The following PPTC7 variants were observed in gnomAD, a reference collection of about 807,000 sequenced individuals.
The protein encoded by PPTC7 is protein phosphatase PTC7 homolog.
Under a neutral mutation model 30.8 loss-of-function variants are expected in PPTC7, and 6 were observed. The ratio of observed to expected loss-of-function variants is 0.19; its 90% CI spans 0.11 to 0.38. The LOEUF is 0.38. Ranked by LOEUF, PPTC7 falls within the 10% of genes least tolerant of loss-of-function variation. The pLI, the probability that PPTC7 is intolerant of heterozygous loss-of-function variation, is 1.00. For synonymous variants in PPTC7, 163 were observed against 168.1 expected, an observed-to-expected ratio of 0.97 and a Z score of 0.23; for missense variants, 218 against 404.8, an observed-to-expected ratio of 0.54 and a Z score of 3.96.
chr12:110,543,407 C>T (rs189878581), intron 3 of PPTC7, among the ~76,000 whole-genome samples: 5 of 150,166 alleles, frequency 3.3e-5, no homozygotes, highest in African/African-American at 1.2e-4. Flanking sequence ...ATAAGAGGGA[C>T]CATTAACTAA....
intron 1 of PPTC7, among the ~76,000 whole-genome samples, chr12:110,573,121 C>A (rs2064553838): frequency 1.3e-5 from 2 of 152,160 alleles, no homozygotes; most frequent in Admixed American, 1.3e-4. Context: ...CTCAAGTGAT[C>A]CACCTACTTT....
intron 1 of PPTC7, among the ~76,000 whole-genome samples, chr12:110,580,019 C>A (rs886963776): frequency 6.6e-6 from 1 of 151,284 alleles, no homozygotes; most frequent in Non-Finnish European, 1.5e-5. Flanking sequence ...ATACCCGCAC[C>A]CCCCACCCAC....
At chr12:110,545,752 CT>C (rs2064301185) in intron 3 of PPTC7, 127 bp downstream of exon 3, 5 of 810,548 alleles carry the variant, frequency 6.2e-6, no homozygotes, top group Middle Eastern at 3.7e-4. Context: ...AAAAGGTCCT[CT>C]TGATGAGAAC....
At chr12:110,537,721 A>T (rs2064229718) in intron 5 of PPTC7, among the ~76,000 whole-genome samples, 1 of 152,082 alleles carries the variant, frequency 6.6e-6, no homozygotes, top group African/African-American at 2.4e-5. Flanking sequence ...CCCTCTTCAA[A>T]CCCTGCTGTG....
chr12:110,553,395 C>T (rs1471770429), intron 1 of PPTC7, among the ~76,000 whole-genome samples: 9 of 151,894 alleles, frequency 5.9e-5, no homozygotes, highest in Non-Finnish European at 8.8e-5. Context: ...CTGCCAGCCT[C>T]GGCCTCCCAA....
chr12:110,539,733 A>C (rs2064242498), intron 4 of PPTC7, 89 bp downstream of exon 4: 9 of 1,213,746 alleles, frequency 7.4e-6, no homozygotes, highest in Non-Finnish European at 1.0e-5. Context: ...TCTTTCCAAA[A>C]CTACAAAGAG....
intron 1 of PPTC7, among the ~76,000 whole-genome samples, chr12:110,556,623 T>A (rs1284476610): frequency 1.3e-5 from 2 of 152,076 alleles, no homozygotes; most frequent in African/African-American, 2.4e-5. Flanking sequence ...TTGCTTAAGA[T>A]CCCAAAGATG....
intron 1 of PPTC7, among the ~76,000 whole-genome samples, chr12:110,581,223 G>C (rs757146171): frequency 1.3e-5 from 2 of 152,118 alleles, no homozygotes; most frequent in Non-Finnish European, 2.9e-5. Context: ...AGACCGGCCT[G>C]GCCAACACAG....
chr12:110,540,121 T>C (rs1288131254), intron 3 of PPTC7, among the ~76,000 whole-genome samples, 176 bp from the exon 4 acceptor site: 1 of 152,192 alleles, frequency 6.6e-6, no homozygotes, highest in African/African-American at 2.4e-5. Flanking sequence ...TGAAAAAAGT[T>C]AATCGAAAAT....
At chr12:110,548,354 T>C (rs1012863058) in intron 2 of PPTC7, among the ~76,000 whole-genome samples, 1 of 152,184 alleles carries the variant, frequency 6.6e-6, no homozygotes, top group African/African-American at 2.4e-5. Flanking sequence ...ATACATGTCT[T>C]TCTCATGCTA....
intron 1 of PPTC7, among the ~76,000 whole-genome samples, chr12:110,553,812 T>A (rs1037915089): frequency 1.3e-5 from 2 of 152,174 alleles, no homozygotes; most frequent in East Asian, 3.9e-4. Flanking sequence ...ATTTTAGATA[T>A]AATGCACCAA....
intron 1 of PPTC7, among the ~76,000 whole-genome samples, chr12:110,574,141 T>TA (rs58133391): frequency 0.064 from 2,405 of 37,512 alleles, 65 homozygotes; most frequent in Middle Eastern, 0.12. Context: ...CCACAATAAT[T>TA]AAAAAAAAAA....
At chr12:110,577,408 G>C (rs1259041194) in intron 1 of PPTC7, among the ~76,000 whole-genome samples, 1 of 152,064 alleles carries the variant, frequency 6.6e-6, no homozygotes, top group East Asian at 1.9e-4. Flanking sequence ...AAAGACTGAA[G>C]TCAGTGGGTG....
intron 1 of PPTC7, among the ~76,000 whole-genome samples, chr12:110,568,399 C>T (rs1483236080): frequency 6.6e-6 from 1 of 152,002 alleles, no homozygotes; most frequent in Non-Finnish European, 1.5e-5. Flanking sequence ...ACTACAGGCG[C>T]CTGCCACCAC....
intron 1 of PPTC7, among the ~76,000 whole-genome samples, chr12:110,582,537 C>A (rs925481336): frequency 6.6e-6 from 1 of 152,218 alleles, no homozygotes; most frequent in Non-Finnish European, 1.5e-5. Flanking sequence ...TGGCTCTGGA[C>A]TCGGACAGAC....
At chr12:110,540,424 C>A (rs1017853673) in intron 3 of PPTC7, among the ~76,000 whole-genome samples, 1 of 146,964 alleles carries the variant, frequency 6.8e-6, no homozygotes, top group East Asian at 2.1e-4. Context: ...TGGGTTCAAG[C>A]GATTCTCCTG....
chr12:110,569,781 G>A (rs537758670), intron 1 of PPTC7, among the ~76,000 whole-genome samples: 1 of 152,118 alleles, frequency 6.6e-6, no homozygotes, highest in Non-Finnish European at 1.5e-5. Flanking sequence ...TTTATCTCTT[G>A]TCCTTATTGC....
At chr12:110,575,950 GAAA>G (rs971713175) in intron 1 of PPTC7, among the ~76,000 whole-genome samples, 5 of 152,046 alleles carry the variant, frequency 3.3e-5, no homozygotes, top group Non-Finnish European at 5.9e-5. Context: ...AGCAAAATGA[GAAA>G]AATACCAAGG....
At chr12:110,568,494 C>T (rs1166411330) in intron 1 of PPTC7, among the ~76,000 whole-genome samples, 5 of 152,072 alleles carry the variant, frequency 3.3e-5, no homozygotes, top group Admixed American at 1.3e-4. Context: ...CCTCGTGATC[C>T]GCCCACCTCG....
Sources: allele counts gnomAD v4.1 joint callset (sites outside exome capture counted in the v4.1 genomes callset), GRCh38; gene constraint gnomAD v4.1.1; transcripts MANE v1.5; gene names NCBI Gene and HGNC (gene_info 2026-07-23, HGNC 2026-07-21).